Variants in ZNF529 observed in about 807,000 individuals in gnomAD.
ZNF529 encodes zinc finger protein 529.
Under a neutral mutation model 10.1 loss-of-function variants are expected in ZNF529, and 11 were observed. That is an observed-to-expected ratio of 1.09 (90% CI 0.69 to 1.81). ZNF529 has a LOEUF of 1.81. Among genes scored for constraint, ZNF529 ranks in the 40% most tolerant of loss-of-function variants. The pLI, the probability that ZNF529 is intolerant of heterozygous loss-of-function variation, is 0.00. For synonymous variants in ZNF529, 204 were observed against 215.7 expected, an observed-to-expected ratio of 0.95 and a Z score of 0.47; for missense variants, 624 against 666.8, an observed-to-expected ratio of 0.94 and a Z score of 0.71.
At chr19:36,579,158 G>A (rs764807296) in intron 2 of ZNF529, among the ~76,000 whole-genome samples, 31 of 151,486 alleles carry the variant, frequency 2.0e-4, no homozygotes, top group Middle Eastern at 3.2e-3. Context: ...CCAAGATTGC[G>A]CCGTTGCACT....
At chr19:36,603,914 T>C (rs1210731805) in intron 1 of ZNF529, among the ~76,000 whole-genome samples, 2 of 152,188 alleles carry the variant, frequency 1.3e-5, no homozygotes, top group Non-Finnish European at 2.9e-5. Flanking sequence ...GCACGGTGGC[T>C]CACGCCTGTA....
At chr19:36,599,596 T>C (rs1352713958) in intron 1 of ZNF529, among the ~76,000 whole-genome samples, 2 of 152,236 alleles carry the variant, frequency 1.3e-5, no homozygotes, top group African/African-American at 2.4e-5. Context: ...AAAATATTAA[T>C]AGTGAACATT....
intron 1 of ZNF529, among the ~76,000 whole-genome samples, chr19:36,592,679 T>C (rs186918285): frequency 6.6e-6 from 1 of 151,886 alleles, no homozygotes. Context: ...AATGAACCAC[T>C]AATACAAGAT....
chr19:36,554,034 A>T (rs548642056), intron 4 of ZNF529, among the ~76,000 whole-genome samples: 13 of 152,326 alleles, frequency 8.5e-5, no homozygotes, highest in African/African-American at 3.1e-4. Context: ...CTGAAAAAAA[A>T]TCCCAAATCC....
intron 2 of ZNF529, chr19:36,581,544 C>T (rs540804541): frequency 4.6e-5 from 7 of 152,308 alleles, no homozygotes; most frequent in African/African-American, 1.7e-4. Flanking sequence ...CTCAAAATCT[C>T]ACACGGACAT....
intron 3 of ZNF529, 33 bp from the exon 4 acceptor site, chr19:36,554,829 A>G: frequency 6.7e-7 from 1 of 1,481,966 alleles, no homozygotes. Context: ...TACAGGTAAA[A>G]TTTAAGGAAA....
chr19:36,573,921 C>T (rs556936988), upstream of ZNF529, among the ~76,000 whole-genome samples: 1 of 152,294 alleles, frequency 6.6e-6, no homozygotes, highest in African/African-American at 2.4e-5. Flanking sequence ...CTGAGGGTGA[C>T]TTGGAGTTTT....
chr19:36,585,193 GAATT>G (rs1338704820), intron 2 of ZNF529, among the ~76,000 whole-genome samples: 1 of 152,206 alleles, frequency 6.6e-6, no homozygotes, highest in Non-Finnish European at 1.5e-5. Context: ...ATGGAGGAAA[GAATT>G]AAAGACTCAG....
upstream of ZNF529, chr19:36,577,150 A>G (rs1039459905): frequency 2.2e-5 from 10 of 452,680 alleles, no homozygotes; most frequent in African/African-American, 2.0e-4. Context: ...GGTGGAGACA[A>G]GGTTTCGCCA....
rs1600320616 is a variant in ZNF529, at chr19:36,573,255, G to C, written c.-162C>G. On this transcript the variant is annotated 5_prime_UTR_variant, in exon 1 of 5. Coordinates refer to ENST00000591340, the MANE Select transcript of ZNF529 (RefSeq NM_020951.5). ...GCGAGCTCCTCCCGCAGCCCGGCCC[G>C]GGTCACCTCGACTCGCCAGGCTTAA... The C allele has an allele frequency of 6.5e-6, 2 of 305,562 alleles. No individual in the cohort carries two copies. The highest frequency in any genetic ancestry group is 1.4e-5 in the Non-Finnish European group (2 of 147,300). 18.9% of individuals were successfully genotyped at this position (305,562 alleles called of 1,614,324 possible). A position where few individuals can be genotyped will look rare whatever the true frequency, so the allele number is the denominator to read the frequency against.
intron 2 of ZNF529, among the ~76,000 whole-genome samples, chr19:36,583,032 A>T (rs1161735963): frequency 2.0e-5 from 3 of 150,444 alleles, no homozygotes. Context: ...AAAATGAAAT[A>T]GAAAAACAGA....
chr19:36,596,125 G>GC (rs1965182128), intron 1 of ZNF529, among the ~76,000 whole-genome samples: 1 of 134,470 alleles, frequency 7.4e-6, no homozygotes, highest in Non-Finnish European at 1.5e-5. Context: ...GAGTGGAATG[G>GC]CATGGTCTTG....
intron 1 of ZNF529, among the ~76,000 whole-genome samples, chr19:36,602,262 G>A (rs1429767857): frequency 2.7e-5 from 4 of 150,706 alleles, no homozygotes; most frequent in African/African-American, 9.8e-5. Flanking sequence ...TGGTCAGGCT[G>A]GTGTCGAACT....
chr19:36,593,136 G>A (rs1209148412), intron 1 of ZNF529, among the ~76,000 whole-genome samples: 2 of 152,156 alleles, frequency 1.3e-5, no homozygotes, highest in Non-Finnish European at 2.9e-5. Flanking sequence ...AACTTCCTCT[G>A]TAGATGACTC....
At chr19:36,565,193 A>G (rs1012365314) in intron 2 of ZNF529, among the ~76,000 whole-genome samples, 5 of 152,174 alleles carry the variant, frequency 3.3e-5, no homozygotes, top group African/African-American at 9.7e-5. Context: ...GCATCATGCA[A>G]TATACTCATG....
At chr19:36,563,656 A>G (rs2035796384) in intron 2 of ZNF529, among the ~76,000 whole-genome samples, 1 of 152,152 alleles carries the variant, frequency 6.6e-6, no homozygotes. Context: ...ACAAATGGAA[A>G]AACATGGTAG....
At chr19:36,593,238 T>A in intron 1 of ZNF529, among the ~76,000 whole-genome samples, 1 of 152,204 alleles carries the variant, frequency 6.6e-6, no homozygotes, top group African/African-American at 2.4e-5. Flanking sequence ...TTCAGTGGCG[T>A]GATCACCGCT....
At chr19:36,561,509 A>G (rs1168975134) in intron 2 of ZNF529, among the ~76,000 whole-genome samples, 1 of 151,886 alleles carries the variant, frequency 6.6e-6, no homozygotes, top group South Asian at 2.1e-4. Context: ...CAGCCTCCCA[A>G]ATAGCTGGGA....
chr19:36,578,704 G>T (rs1392686514), intron 2 of ZNF529, among the ~76,000 whole-genome samples: 1 of 151,518 alleles, frequency 6.6e-6, no homozygotes, highest in East Asian at 2.0e-4. Context: ...TGTCTCCCGG[G>T]TTCAAGCATT....
Sources: gnomAD v4.1 joint callset for allele counts (sites outside exome capture counted in the v4.1 genomes callset) on GRCh38, gnomAD v4.1.1 for gene constraint, MANE v1.5 for transcripts, NCBI Gene and HGNC (gene_info 2026-07-23, HGNC 2026-07-21) for gene names.